The following RBFOX1 variants were observed in gnomAD, a reference collection of about 807,000 sequenced individuals.
RBFOX1 encodes RNA binding fox-1 homolog 1, also known as RNA binding protein fox-1 homolog 1.
RBFOX1 carries 8 observed loss-of-function variants against 57.7 expected under a neutral mutation model. That is an observed-to-expected ratio of 0.14 (90% confidence interval 0.08 to 0.25). RBFOX1 has a LOEUF of 0.25. Ranked by LOEUF, RBFOX1 falls within the 10% of genes least tolerant of loss-of-function variation. The probability of loss-of-function intolerance (pLI) is 1.00; values close to 1 mark genes in which losing one functional copy is unlikely to be tolerated. For synonymous variants in RBFOX1, 326 were observed against 222.4 expected, an observed-to-expected ratio of 1.47 and a Z score of -4.15; for missense variants, 611 against 548.5, an observed-to-expected ratio of 1.11 and a Z score of -1.14.
At chr16:6,049,674 T>C (rs1308799879) in intron 1 of RBFOX1, among the ~76,000 whole-genome samples, 1 of 152,206 alleles carries the variant, frequency 6.6e-6, no homozygotes, top group Admixed American at 6.5e-5. Context: ...AAAAATGTCA[T>C]TGTTTTCTTA....
chr16:6,800,327 A>G (rs1009337133), intron 3 of RBFOX1, among the ~76,000 whole-genome samples: 6 of 152,206 alleles, frequency 3.9e-5, no homozygotes, highest in African/African-American at 1.2e-4. Flanking sequence ...TGGTAGTACC[A>G]AAAGTCAGGG....
At chr16:7,277,794 G>T (rs1191574424) in intron 4 of RBFOX1, among the ~76,000 whole-genome samples, 1 of 152,126 alleles carries the variant, frequency 6.6e-6, no homozygotes, top group Non-Finnish European at 1.5e-5. Context: ...AGGAATATCA[G>T]TTAAAATGAA....
intron 4 of RBFOX1, among the ~76,000 whole-genome samples, chr16:7,388,961 A>G (rs1437616903): frequency 6.6e-6 from 1 of 152,106 alleles, no homozygotes; most frequent in African/African-American, 2.4e-5. Flanking sequence ...GCAGAGCTTA[A>G]TAGAGTGCCT....
At chr16:7,194,970 A>C (rs1174723608) in intron 4 of RBFOX1, among the ~76,000 whole-genome samples, 4 of 151,704 alleles carry the variant, frequency 2.6e-5, no homozygotes, top group Non-Finnish European at 5.9e-5. Context: ...ACAGCTGAAT[A>C]ACACCTTTCA....
At chr16:5,483,212 A>G (rs1483698016) in intron 2 of RBFOX1, among the ~76,000 whole-genome samples, 5 of 152,132 alleles carry the variant, frequency 3.3e-5, no homozygotes, top group African/African-American at 7.2e-5. Flanking sequence ...CCACAATGGG[A>G]TAGAGCCACT....
intron 3 of RBFOX1, among the ~76,000 whole-genome samples, chr16:6,856,095 C>T (rs1039803002): frequency 6.6e-6 from 1 of 150,530 alleles, no homozygotes; most frequent in Non-Finnish European, 1.5e-5. Flanking sequence ...GAAGACCCTT[C>T]CCTTCCCTTC....
At chr16:6,040,680 T>C (rs2095426915) in intron 1 of RBFOX1, among the ~76,000 whole-genome samples, 1 of 152,038 alleles carries the variant, frequency 6.6e-6, no homozygotes, top group Non-Finnish European at 1.5e-5. Context: ...TTGCAAACTC[T>C]GCCTCCTGAG....
chr16:7,361,945 CATGTTTTGTGTGT>C (rs1287134246), intron 4 of RBFOX1, among the ~76,000 whole-genome samples: 1 of 129,694 alleles, frequency 7.7e-6, no homozygotes, highest in East Asian at 2.2e-4. Flanking sequence ...TATGTGTGTG[CATGTTTTGTGTGT>C]ATGTTTGTGT....
chr16:7,434,164 TGTG>T (rs2098703887), intron 4 of RBFOX1, among the ~76,000 whole-genome samples: 2 of 151,258 alleles, frequency 1.3e-5, no homozygotes, highest in Non-Finnish European at 2.9e-5. Flanking sequence ...ATGACAGACA[TGTG>T]GTGGTATAAG....
At chr16:5,633,812 C>T (rs375723216) in intron 3 of RBFOX1, among the ~76,000 whole-genome samples, 5 of 150,350 alleles carry the variant, frequency 3.3e-5, no homozygotes, top group African/African-American at 1.2e-4. Context: ...AGGCGGAGGC[C>T]ACTGTCCTCC....
chr16:6,835,687 G>A (rs1038348240), intron 3 of RBFOX1, among the ~76,000 whole-genome samples: 10 of 143,720 alleles, frequency 7.0e-5, no homozygotes, highest in African/African-American at 2.5e-4. Flanking sequence ...CTCAGAGGTA[G>A]AGGTTGCAGT....
intron 3 of RBFOX1, among the ~76,000 whole-genome samples, chr16:6,769,209 T>C (rs1032070745): frequency 6.6e-6 from 1 of 152,128 alleles, no homozygotes; most frequent in East Asian, 1.9e-4. Flanking sequence ...GATGGTTTTA[T>C]AAAGGGGAAT....
intron 4 of RBFOX1, among the ~76,000 whole-genome samples, chr16:5,883,017 C>G (rs2057801433): frequency 6.6e-6 from 1 of 152,108 alleles, no homozygotes; most frequent in Non-Finnish European, 1.5e-5. Context: ...TTTAAATGAT[C>G]CAGACCCTGC....
chr16:6,859,173 A>ACG lies in RBFOX1; in HGVS notation c.-15-192884_-15-192883insCG, dbSNP rs1555537026. Among the ~76,000 whole-genome samples the ACG allele has an allele frequency of 1.7e-4, 11 of 65,344 alleles. 1 individual carries two copies. The highest frequency in any genetic ancestry group is 8.6e-4 in the African/African-American group (11 of 12,864). The allele number at this position is 65,344 out of a possible 152,430, so 42.9% of individuals were successfully genotyped here. A position where few individuals can be genotyped will look rare whatever the true frequency, so the allele number is the denominator to read the frequency against. On this transcript the variant is annotated intron_variant, in intron 3 of 15. Transcript: ENST00000550418. ...TATATGTATATATATACGTATATATATGTATATATATGTATATATATATGT... is the reference window on the plus strand; with the variant it reads ...TATATGTATATATATACGTATATATACGTGTATATATATGTATATATATATGT...
At chr16:5,321,739 T>G (rs538831735) in intron 1 of RBFOX1, among the ~76,000 whole-genome samples, 1 of 152,168 alleles carries the variant, frequency 6.6e-6, no homozygotes, top group African/African-American at 2.4e-5. Context: ...TGGTGGTGGT[T>G]TGAGTAAATG....
intron 1 of RBFOX1, among the ~76,000 whole-genome samples, chr16:6,040,889 C>A (rs1243156860): frequency 1.3e-5 from 2 of 152,146 alleles, no homozygotes; most frequent in Non-Finnish European, 2.9e-5. Context: ...CCACCACACC[C>A]CACCCCTTTT....
intron 13 of RBFOX1, chr16:7,671,443 G>A: frequency 1.0e-6 from 1 of 987,194 alleles, no homozygotes; most frequent in Non-Finnish European, 1.5e-6. Flanking sequence ...GCTTGGTGAA[G>A]TAAGAGAGAA....
intron 3 of RBFOX1, among the ~76,000 whole-genome samples, chr16:6,814,718 T>C (rs1456106087): frequency 6.6e-6 from 1 of 151,918 alleles, no homozygotes; most frequent in African/African-American, 2.4e-5. Flanking sequence ...CCTGAGGAAG[T>C]GAAGTGAAAA....
At chr16:6,725,201 C>G (rs1448906704) in intron 3 of RBFOX1, among the ~76,000 whole-genome samples, 1 of 151,930 alleles carries the variant, frequency 6.6e-6, no homozygotes, top group African/African-American at 2.4e-5. Flanking sequence ...CAGGCACCCG[C>G]CACCATGCCC....
Sources: gnomAD v4.1 joint callset for allele counts (sites outside exome capture counted in the v4.1 genomes callset) on GRCh38, gnomAD v4.1.1 for gene constraint, MANE v1.5 for transcripts, NCBI Gene and HGNC (gene_info 2026-07-23, HGNC 2026-07-21) for gene names.